The following IRGM variants were observed in gnomAD, a reference collection of about 807,000 sequenced individuals.
IRGM encodes the protein immunity-related GTPase family M protein.
For missense variants in IRGM, 288 were observed against 219.9 expected, an observed-to-expected ratio of 1.31 and a Z score of -1.96; for synonymous variants, 98 against 80.6, an observed-to-expected ratio of 1.22 and a Z score of -1.16.
At chr5:150,864,251 T>C (rs919149881) in intron 1 of IRGM, among the ~76,000 whole-genome samples, 1 of 152,168 alleles carries the variant, frequency 6.6e-6, no homozygotes, top group Admixed American at 6.5e-5. Flanking sequence ...TTTTCCATCT[T>C]TTACCTTTGT....
intron 3 of IRGM, among the ~76,000 whole-genome samples, chr5:150,886,442 C>A (rs182552109): frequency 5.1e-4 from 78 of 151,954 alleles, no homozygotes; most frequent in Non-Finnish European, 9.3e-4. Flanking sequence ...GTCCCTCATC[C>A]TCAATTTTTT....
chr5:150,886,864 A>G (rs911837082), intron 3 of IRGM, among the ~76,000 whole-genome samples: 2 of 151,796 alleles, frequency 1.3e-5, no homozygotes, highest in African/African-American at 4.8e-5. Context: ...TACTGGATTT[A>G]TTGACCTTTT....
intron 3 of IRGM, among the ~76,000 whole-genome samples, chr5:150,893,037 G>T (rs1480608551): frequency 6.6e-6 from 1 of 151,928 alleles, no homozygotes; most frequent in Admixed American, 6.6e-5. Flanking sequence ...TGTTGCTTAG[G>T]TATTTTCAGG....
intron 3 of IRGM, among the ~76,000 whole-genome samples, chr5:150,892,770 G>A (rs1445267974): frequency 6.6e-6 from 1 of 151,720 alleles, no homozygotes; most frequent in East Asian, 1.9e-4. Context: ...ACATTTTTTT[G>A]AGACAGGGTC....
chr5:150,898,938 A>G (rs1754897457), intron 3 of IRGM, among the ~76,000 whole-genome samples: 1 of 152,094 alleles, frequency 6.6e-6, no homozygotes, highest in South Asian at 2.1e-4. Flanking sequence ...TCAAAATGTG[A>G]TATGACTTGG....
At chr5:150,850,506 T>C (rs942064065), downstream of IRGM, among the ~76,000 whole-genome samples, 1 of 152,222 alleles carries the variant, frequency 6.6e-6, no homozygotes, top group Non-Finnish European at 1.5e-5. Context: ...AAGGATATTA[T>C]GGTCATTTCT....
rs1198318479 is a variant in IRGM, at chr5:150,847,082, TCTC to T, written c.-547_-545del. The T allele has an allele frequency of 3.9e-5, 6 of 152,338 alleles. No individual in the cohort carries two copies. Among genetic ancestry groups the T allele is most frequent in the African/African-American group, 1.4e-4 (6 of 41,434 alleles). 9.4% of individuals were successfully genotyped at this position (152,338 alleles called of 1,614,324 possible). On this transcript the variant is annotated 5_prime_UTR_variant, in exon 1 of 2. Coordinates refer to ENST00000522154, the MANE Select transcript of IRGM (RefSeq NM_001145805.2). ...AAGAGCAGAGCATTTGAGTATGCTG[TCTC>T]CTCCTCTCCCTCACTTCAGTTGGGC...
intron 1 of IRGM, among the ~76,000 whole-genome samples, chr5:150,870,070 T>C (rs1754261046): frequency 6.6e-6 from 1 of 152,058 alleles, no homozygotes; most frequent in African/African-American, 2.4e-5. Flanking sequence ...ATAATGCTAA[T>C]ATCTGGGGTA....
chr5:150,891,954 C>T (rs1056801397), intron 3 of IRGM, among the ~76,000 whole-genome samples: 5 of 152,118 alleles, frequency 3.3e-5, no homozygotes, highest in African/African-American at 1.2e-4. Context: ...TCCCAAGGGA[C>T]TAAATTTCTA....
At chr5:150,898,075 T>G (rs1192910316) in intron 3 of IRGM, 15 of 1,610,290 alleles carry the variant, frequency 9.3e-6, no homozygotes, top group African/African-American at 1.3e-5. Context: ...GTCTCCCATC[T>G]GCCTGATATT....
intron 1 of IRGM, among the ~76,000 whole-genome samples, chr5:150,877,703 CT>C: frequency 6.6e-6 from 1 of 152,048 alleles, no homozygotes; most frequent in Non-Finnish European, 1.5e-5. Context: ...ACAGTGACAC[CT>C]GAGGATAGGT....
intron 3 of IRGM, among the ~76,000 whole-genome samples, chr5:150,883,298 C>A (rs535956136): frequency 1.3e-5 from 2 of 151,762 alleles, no homozygotes; most frequent in South Asian, 4.2e-4. Context: ...AATGCCTACA[C>A]CACAGATAAA....
At chr5:150,897,024 AG>A in intron 3 of IRGM, 1 of 1,412,998 alleles carries the variant, frequency 7.1e-7, no homozygotes, top group South Asian at 1.4e-5. Context: ...GTCAATTAAG[AG>A]GGTAAAGAAG....
chr5:150,895,981 C>G (rs765124998), intron 3 of IRGM: 1 of 1,613,200 alleles, frequency 6.2e-7, no homozygotes, highest in Non-Finnish European at 8.5e-7. Context: ...TGGGACTTCT[C>G]ACAGAAGGCT....
chr5:150,864,432 G>T (rs1162181173), intron 1 of IRGM, among the ~76,000 whole-genome samples: 1 of 152,020 alleles, frequency 6.6e-6, no homozygotes, highest in Non-Finnish European at 1.5e-5. Flanking sequence ...CAAAGCCCTG[G>T]ATTTCACATT....
At chr5:150,885,868 C>G (rs927125721) in intron 3 of IRGM, among the ~76,000 whole-genome samples, 1 of 151,992 alleles carries the variant, frequency 6.6e-6, no homozygotes, top group African/African-American at 2.4e-5. Context: ...AAACAGAGAT[C>G]GTTTTACTTC....
downstream of IRGM, among the ~76,000 whole-genome samples, chr5:150,851,526 T>C (rs975491332): frequency 6.6e-6 from 1 of 152,212 alleles, no homozygotes; most frequent in East Asian, 1.9e-4. Flanking sequence ...AATTTTTGTA[T>C]ATGATTGAAT....
chr5:150,898,690 C>T, intron 3 of IRGM: 2 of 943,542 alleles, frequency 2.1e-6, no homozygotes, highest in Non-Finnish European at 1.5e-6. Flanking sequence ...TTTTAGCAAG[C>T]AGAGCCAGGC....
At chr5:150,878,788 A>G (rs1004567882) in intron 2 of IRGM, among the ~76,000 whole-genome samples, 23 of 151,666 alleles carry the variant, frequency 1.5e-4, no homozygotes, top group African/African-American at 5.1e-4. Context: ...TTGTTATATT[A>G]TTATTATTTA....
Sources: gnomAD v4.1 joint callset for allele counts (sites outside exome capture counted in the v4.1 genomes callset) on GRCh38, gnomAD v4.1.1 for gene constraint, MANE v1.5 for transcripts, NCBI Gene and HGNC (gene_info 2026-07-23, HGNC 2026-07-21) for gene names.